TMUB1: variants seen among roughly 807,000 people sequenced by gnomAD.
TMUB1 encodes transmembrane and ubiquitin like domain containing 1.
A neutral mutation model predicts 16.2 loss-of-function variants in TMUB1; 9 were observed. That is an observed-to-expected ratio of 0.55 (90% CI 0.33 to 0.97). The LOEUF is 0.97. TMUB1 is among the 50% of genes least tolerant of loss of function. The pLI is 0.03. For synonymous variants in TMUB1, 155 were observed against 152.2 expected, an observed-to-expected ratio of 1.02 and a Z score of -0.13; for missense variants, 309 against 313.5, an observed-to-expected ratio of 0.99 and a Z score of 0.11.
chr7:151,081,831 G>A lies in TMUB1; in HGVS notation c.459C>T (p.Thr153=), dbSNP rs1399510045. The A allele has an allele frequency of 1.9e-6, 3 of 1,539,710 alleles. No homozygotes were observed. The highest frequency in any genetic ancestry group is 1.7e-4 in the Middle Eastern group (1 of 5,776). ...GGAGGTGAAGGCTGCCCAGGGTCTG[G>A]GTGTCGTCGCCTAGCAGCTGCCCTT... ...IYQGQLLGDD[T]QTLGSLHLPP... The change falls in exon 3 of 3, where the codon ACC becomes ACT. Residue 153 remains threonine (T), a synonymous_variant. Transcript: ENST00000297533. The surrounding 1 kb of genome is among the most constrained non-coding windows in gnomAD (Gnocchi z 7.6).
Position 151,081,621 on chromosome 7 carries a change from C to G in TMUB1, c.669G>C (p.Leu223=). 2 of 1,604,574 alleles carry G rather than the reference C, an allele frequency of 1.2e-6. No homozygotes were observed. The highest frequency in any genetic ancestry group is 1.7e-6 in the Non-Finnish European group (2 of 1,176,010). Residue 223 remains leucine (L), a synonymous_variant, in exon 3 of 3, where the codon CTG becomes CTC. Coordinates refer to ENST00000297533, the MANE Select transcript of TMUB1 (RefSeq NM_001136044.2). This position sits in a 1 kb window ranked among gnomAD's most constrained non-coding sequence, Gnocchi z 7.6. The stretch of plus-strand genomic sequence containing the variant: ...AGCCGGCCAGGCCCAGAGTGGCGGT[C>G]AGGGGAAAGAAGGGCCGGTACTGGA... ...CQIQYRPFFP[L]TATLGLAGFT... is the part of the protein sequence containing the mutation.
At position 151,081,751 on chromosome 7, in the gene TMUB1, G is replaced by A. The variant is rs772431428; in HGVS notation, c.539C>T (p.Pro180Leu). ...HVSTRVGPPNPPCPPGSEPGP... is the reference protein window; with the variant it reads ...HVSTRVGPPNLPCPPGSEPGP... Reference sequence around the variant, plus strand: ...GGGCTCGGACCCCGGCGGGCAGGGGGGATTTGGGGGACCGACTCTCGTGGA... The same window carrying A: ...GGGCTCGGACCCCGGCGGGCAGGGGAGATTTGGGGGACCGACTCTCGTGGA... The change falls in exon 3 of 3, where the codon CCC becomes CTC. Residue 180 changes from proline (P) to leucine (L), a missense_variant. Transcript: ENST00000297533. The surrounding 1 kb of genome is among the most constrained non-coding windows in gnomAD (Gnocchi z 7.6). 3 of 1,592,934 alleles carry A rather than the reference G, an allele frequency of 1.9e-6. No homozygotes were observed. The highest frequency in any genetic ancestry group is 4.5e-5 in the East Asian group (2 of 44,192).
In TMUB1 at chr7:151,082,002, C is replaced by A. The variant is rs970604548; in HGVS notation, c.390-102G>T. On this transcript the variant is annotated intron_variant, in intron 2 of 2. Transcript: ENST00000297533. This position sits in a 1 kb window ranked among gnomAD's most constrained non-coding sequence, Gnocchi z 7.0. ...CCTCCCCCTGCCCTCCACAACACACCGGCCCTGGCCTGGGAGGGGCCGTCT... is the reference window on the plus strand; with the variant it reads ...CCTCCCCCTGCCCTCCACAACACACAGGCCCTGGCCTGGGAGGGGCCGTCT... The A allele has an allele frequency of 8.6e-6, 12 of 1,395,200 alleles. No homozygotes were observed. The highest frequency in any genetic ancestry group is 2.9e-5 in the African/African-American group (2 of 69,226). The allele number at this position is 1,395,200 out of a possible 1,614,324, so 86.4% of individuals were successfully genotyped here.
chr7:151,082,864 A>C lies in TMUB1; in HGVS notation c.-30-271T>G. ...TCCCAACTCACCCAAACCCTATCCC[A>C]AGGTAAGGGCCTAAGCAACGCCTCT... is the stretch of plus-strand genomic sequence containing the variant. On this transcript the variant is annotated intron_variant, in intron 1 of 2. Transcript: ENST00000297533. This position sits in a 1 kb window ranked among gnomAD's most constrained non-coding sequence, Gnocchi z 7.0. 3.0e-6 allele frequency: 1 copy of C among 327,966 alleles called. No homozygotes were observed. Among genetic ancestry groups the C allele is most frequent in the Non-Finnish European group, 5.5e-6 (1 of 180,430 alleles). 20.3% of individuals were successfully genotyped at this position (327,966 alleles called of 1,614,324 possible). A position where few individuals can be genotyped will look rare whatever the true frequency, so the allele number is the denominator to read the frequency against.
Position 151,083,318 on chromosome 7 carries a change from C to T in TMUB1, c.-31+116G>A, listed in dbSNP as rs1798044582. 6.6e-6 allele frequency: 1 copy of T among 151,756 alleles called. No individual in the cohort carries two copies. Among genetic ancestry groups the T allele is most frequent in the Non-Finnish European group, 1.5e-5 (1 of 67,870 alleles). 9.4% of individuals were successfully genotyped at this position (151,756 alleles called of 1,614,324 possible). On this transcript the variant is annotated intron_variant, in intron 1 of 2. Coordinates refer to ENST00000297533, the MANE Select transcript of TMUB1 (RefSeq NM_001136044.2). The surrounding 1 kb of genome is among the most constrained non-coding windows in gnomAD (Gnocchi z 5.9). ...CGAGACTTCACGTTCCCCACCCCCA[C>T]CTCTCATCACCCCTCCCACCTTCCC...
chr7:151,081,849 C>A lies in TMUB1; in HGVS notation c.441G>T (p.Gln147His). The stretch of plus-strand genomic sequence containing the variant: ...GGGTCTGGGTGTCGTCGCCTAGCAG[C>A]TGCCCTTGGTAGATGAGTCGCACCT... ...EQQVRLIYQGQLLGDDTQTLG... is the reference protein window; with the variant it reads ...EQQVRLIYQGHLLGDDTQTLG... The change falls in exon 3 of 3, where the codon CAG becomes CAT. Residue 147 changes from glutamine (Q) to histidine (H), a missense_variant. By Grantham distance (24) the Gln-to-His change is conservative. Transcript: ENST00000297533. This position sits in a 1 kb window ranked among gnomAD's most constrained non-coding sequence, Gnocchi z 7.6. 1 of 1,524,220 alleles carries A rather than the reference C, an allele frequency of 6.6e-7. No individual in the cohort carries two copies. Among genetic ancestry groups the A allele is most frequent in the South Asian group, 1.3e-5 (1 of 77,332 alleles). 94.4% of individuals were successfully genotyped at this position (1,524,220 alleles called of 1,614,324 possible).
chr7:151,082,382 C>G lies in TMUB1; in HGVS notation c.182G>C (p.Ser61Thr). 3.1e-6 allele frequency: 5 copies of G among 1,598,026 alleles called. No homozygotes were observed. Among genetic ancestry groups the G allele is most frequent in the Non-Finnish European group, 4.3e-6 (5 of 1,172,564 alleles). The change falls in exon 2 of 3, where the codon AGC becomes ACC. Residue 61 changes from serine (S) to threonine (T), a missense_variant. Ser to Thr is a moderately conservative substitution (Grantham distance 58). Transcript: ENST00000297533. This position sits in a 1 kb window ranked among gnomAD's most constrained non-coding sequence, Gnocchi z 7.0. ...TGCCCCTGGGGCCTCCCCTCTCATG[C>G]TGTCGGTAGCTGCCATGGCTGCGCT... ...QPSAAMAATD[S>T]MRGEAPGAET...
In TMUB1 at chr7:151,082,659, G is replaced by A. The variant is rs1287711273; in HGVS notation, c.-30-66C>T. On this transcript the variant is annotated intron_variant, in intron 1 of 2. Coordinates refer to ENST00000297533, the MANE Select transcript of TMUB1 (RefSeq NM_001136044.2). The surrounding 1 kb of genome is among the most constrained non-coding windows in gnomAD (Gnocchi z 7.0). ...GCCAGGAGCCCTGGAACCTCCACAG[G>A]GTCCTGCCCTCACCCCACCGCGACG... 1.0e-5 allele frequency: 13 copies of A among 1,305,110 alleles called. No individual in the cohort carries two copies. The highest frequency in any genetic ancestry group is 1.0e-6 in the Non-Finnish European group (1 of 1,001,214). The allele number at this position is 1,305,110 out of a possible 1,614,324, so 80.8% of individuals were successfully genotyped here.
rs779869192 is a variant in TMUB1, at chr7:151,082,609, G to A, written c.-30-16C>T. Reference sequence around the variant, plus strand: ...CGCTACCGAGCTGGAGAGGCACAAAGAGCCCGTGAGGCCCGGGCCCCCTGG... The same window carrying A: ...CGCTACCGAGCTGGAGAGGCACAAAAAGCCCGTGAGGCCCGGGCCCCCTGG... On this transcript the variant is annotated splice_polypyrimidine_tract_variant and intron_variant, in intron 1 of 2. Transcript: ENST00000297533. The surrounding 1 kb of genome is among the most constrained non-coding windows in gnomAD (Gnocchi z 7.0). 3 of 1,460,602 alleles carry A rather than the reference G, an allele frequency of 2.1e-6. No individual in the cohort carries two copies. The highest frequency in any genetic ancestry group is 2.6e-5 in the East Asian group (1 of 38,688). The allele number at this position is 1,460,602 out of a possible 1,614,324, so 90.5% of individuals were successfully genotyped here. A position where few individuals can be genotyped will look rare whatever the true frequency, so the allele number is the denominator to read the frequency against.
In TMUB1 at chr7:151,083,377, C is replaced by G. The variant is rs1226223398; in HGVS notation, c.-31+57G>C. The G allele has an allele frequency of 6.6e-6, 1 of 152,158 alleles. No individual in the cohort carries two copies. The highest frequency in any genetic ancestry group is 2.4e-5 in the African/African-American group (1 of 41,422). 9.4% of individuals were successfully genotyped at this position (152,158 alleles called of 1,614,324 possible). A position where few individuals can be genotyped will look rare whatever the true frequency, so the allele number is the denominator to read the frequency against. On this transcript the variant is annotated intron_variant, in intron 1 of 2. Transcript: ENST00000297533. This position sits in a 1 kb window ranked among gnomAD's most constrained non-coding sequence, Gnocchi z 5.9. Reference sequence around the variant, plus strand: ...AAGCCGCAGGAGGGCACGGCGATCCCGGCCCGACCGGGGCCCTGGGCGGCG... The same window carrying G: ...AAGCCGCAGGAGGGCACGGCGATCCGGGCCCGACCGGGGCCCTGGGCGGCG...
At position 151,081,739 on chromosome 7, in the gene TMUB1, G is replaced by C. The variant is rs1225097988; in HGVS notation, c.551C>G (p.Pro184Arg). The C allele has an allele frequency of 6.3e-7, 1 of 1,588,808 alleles. No homozygotes were observed. Among genetic ancestry groups the C allele is most frequent in the Admixed American group, 1.8e-5 (1 of 54,752 alleles). The change falls in exon 3 of 3, where the codon CCG (proline) becomes CGG (arginine). Residue 184 changes from proline (P) to arginine (R), a missense_variant. Coordinates refer to ENST00000297533, the MANE Select transcript of TMUB1 (RefSeq NM_001136044.2). The surrounding 1 kb of genome is among the most constrained non-coding windows in gnomAD (Gnocchi z 7.6). ...RVGPPNPPCP[P>R]GSEPGPSGLE... ...CCCGGAGGGGCCGGGCTCGGACCCC[G>C]GCGGGCAGGGGGGATTTGGGGGACC...
At position 151,082,362 on chromosome 7, in the gene TMUB1, C is replaced by G. The variant is rs1199717264; in HGVS notation, c.202G>C (p.Gly68Arg). Residue 68 changes from glycine to arginine, a missense_variant, in exon 2 of 3, where the codon GGG (glycine) becomes CGG (arginine). Gly to Arg is a moderately radical substitution (Grantham distance 125). Transcript: ENST00000297533. The surrounding 1 kb of genome is among the most constrained non-coding windows in gnomAD (Gnocchi z 7.0). ...ATDSMRGEAPGAETPSLRHRG... is the reference protein window; with the variant it reads ...ATDSMRGEAPRAETPSLRHRG... ...TGTCTCAGGCTGGGGGTCTCTGCCCCTGGGGCCTCCCCTCTCATGCTGTCG... is the reference window on the plus strand; with the variant it reads ...TGTCTCAGGCTGGGGGTCTCTGCCCGTGGGGCCTCCCCTCTCATGCTGTCG... 2 of 1,596,754 alleles carry G rather than the reference C, an allele frequency of 1.3e-6. No individual in the cohort carries two copies. Among genetic ancestry groups the G allele is most frequent in the Non-Finnish European group, 1.7e-6 (2 of 1,171,164 alleles).
At position 151,081,894 on chromosome 7, in the gene TMUB1, C is replaced by T; in HGVS notation, c.396G>A (p.Gln132=). 3 of 1,482,464 alleles carry T rather than the reference C, an allele frequency of 2.0e-6. No homozygotes were observed. The highest frequency in any genetic ancestry group is 2.7e-6 in the Non-Finnish European group (3 of 1,117,106). The allele number at this position is 1,482,464 out of a possible 1,614,324, so 91.8% of individuals were successfully genotyped here. ...GCACCTGCTGTTCCCGGCCGGGAAA[C>T]TGGGTCCTGAGGAGAGAGGGACCTG... The part of the protein sequence containing the change: ...HDTIGSLKRT[Q]FPGREQQVRL... Residue 132 remains glutamine (Q), a synonymous_variant, in exon 3 of 3, where the codon CAG becomes CAA. Coordinates refer to ENST00000297533, the MANE Select transcript of TMUB1 (RefSeq NM_001136044.2). The surrounding 1 kb of genome is among the most constrained non-coding windows in gnomAD (Gnocchi z 7.6).
chr7:151,081,238 A>T lies in TMUB1; in HGVS notation c.*311T>A. On this transcript the variant is annotated 3_prime_UTR_variant, in exon 3 of 3. Coordinates refer to ENST00000297533, the MANE Select transcript of TMUB1 (RefSeq NM_001136044.2). The surrounding 1 kb of genome is among the most constrained non-coding windows in gnomAD (Gnocchi z 7.6). Reference sequence around the variant, plus strand: ...AGGCGGCTGGGTCCTCCGGCAGAACACTAAGACGGGCCCCCGGGGCGGCCC... The same window carrying T: ...AGGCGGCTGGGTCCTCCGGCAGAACTCTAAGACGGGCCCCCGGGGCGGCCC... 4.7e-6 allele frequency: 1 copy of T among 214,442 alleles called. No homozygotes were observed. Among genetic ancestry groups the T allele is most frequent in the Non-Finnish European group, 9.0e-6 (1 of 111,472 alleles). 13.3% of individuals were successfully genotyped at this position (214,442 alleles called of 1,614,324 possible). A position where few individuals can be genotyped will look rare whatever the true frequency, so the allele number is the denominator to read the frequency against.
At position 151,081,589 on chromosome 7, in the gene TMUB1, A is replaced by G. The variant is rs752547780; in HGVS notation, c.701T>C (p.Leu234Pro). The change falls in exon 3 of 3, where the codon CTG becomes CCG. Residue 234 changes from leucine to proline, a missense_variant. Coordinates refer to ENST00000297533, the MANE Select transcript of TMUB1 (RefSeq NM_001136044.2). This position sits in a 1 kb window ranked among gnomAD's most constrained non-coding sequence, Gnocchi z 7.6. ...GGCAAAGGCCAGGAGACTGAGGAGC[A>G]GGGTGAAGCCGGCCAGGCCCAGAGT... ...TATLGLAGFT[L>P]LLSLLAFAMY... 1 of 1,608,690 alleles carries G rather than the reference A, an allele frequency of 6.2e-7. No individual in the cohort carries two copies. Among genetic ancestry groups the G allele is most frequent in the Non-Finnish European group, 8.5e-7 (1 of 1,178,418 alleles).
In TMUB1 at chr7:151,081,835, T is replaced by G. The variant is rs1797999312; in HGVS notation, c.455A>C (p.Asp152Ala). The G allele has an allele frequency of 1.3e-6, 2 of 1,533,996 alleles. No individual in the cohort carries two copies. The highest frequency in any genetic ancestry group is 1.8e-6 in the Non-Finnish European group (2 of 1,139,304). Residue 152 changes from aspartate (D) to alanine (A), a missense_variant, in exon 3 of 3, where the codon GAC (aspartate) becomes GCC (alanine). Asp to Ala is a moderately radical substitution (Grantham distance 126). Transcript: ENST00000297533. This position sits in a 1 kb window ranked among gnomAD's most constrained non-coding sequence, Gnocchi z 7.6. ...GTGAAGGCTGCCCAGGGTCTGGGTGTCGTCGCCTAGCAGCTGCCCTTGGTA... is the reference window on the plus strand; with the variant it reads ...GTGAAGGCTGCCCAGGGTCTGGGTGGCGTCGCCTAGCAGCTGCCCTTGGTA... ...LIYQGQLLGDDTQTLGSLHLP... is the reference protein window; with the variant it reads ...LIYQGQLLGDATQTLGSLHLP...
chr7:151,081,498 G>T lies in TMUB1; in HGVS notation c.*51C>A, dbSNP rs953728470. 3 of 1,452,366 alleles carry T rather than the reference G, an allele frequency of 2.1e-6. No individual in the cohort carries two copies. Among genetic ancestry groups the T allele is most frequent in the Non-Finnish European group, 2.7e-6 (3 of 1,102,490 alleles). The allele number at this position is 1,452,366 out of a possible 1,614,324, so 90.0% of individuals were successfully genotyped here. A position where few individuals can be genotyped will look rare whatever the true frequency, so the allele number is the denominator to read the frequency against. On this transcript the variant is annotated 3_prime_UTR_variant, in exon 3 of 3. Coordinates refer to ENST00000297533, the MANE Select transcript of TMUB1 (RefSeq NM_001136044.2). This position sits in a 1 kb window ranked among gnomAD's most constrained non-coding sequence, Gnocchi z 7.6. ...AGGCAGCAGCTCCCGCCGCGGCGCG[G>T]GGAGCAAGGTCCGGAGGGGCCGGCG...
Position 151,082,058 on chromosome 7 carries a change from G to A in TMUB1, c.389+117C>T. The A allele has an allele frequency of 7.0e-7, 1 of 1,424,744 alleles. No homozygotes were observed. Among genetic ancestry groups the A allele is most frequent in the Non-Finnish European group, 9.3e-7 (1 of 1,073,548 alleles). The allele number at this position is 1,424,744 out of a possible 1,614,324, so 88.3% of individuals were successfully genotyped here. The stretch of plus-strand genomic sequence containing the variant: ...GGGAACAAGTACAGTTGTGATCTGG[G>A]GCGCTCAGCGCCTCCAGTATAAAGG... On this transcript the variant is annotated intron_variant, in intron 2 of 2. Transcript: ENST00000297533. This position sits in a 1 kb window ranked among gnomAD's most constrained non-coding sequence, Gnocchi z 7.0.
At position 151,082,706 on chromosome 7, in the gene TMUB1, G is replaced by A; in HGVS notation, c.-30-113C>T. 9.2e-6 allele frequency: 8 copies of A among 867,240 alleles called. No homozygotes were observed. Among genetic ancestry groups the A allele is most frequent in the Non-Finnish European group, 1.2e-5 (8 of 641,416 alleles). 53.7% of individuals were successfully genotyped at this position (867,240 alleles called of 1,614,324 possible). On this transcript the variant is annotated intron_variant, in intron 1 of 2. Transcript: ENST00000297533. The surrounding 1 kb of genome is among the most constrained non-coding windows in gnomAD (Gnocchi z 7.0). ...GACGCTCCCACCGTCCTCAGCCTCC[G>A]TCCCCTCACCCACCCCAGGGTACCG...
Sources: gnomAD v4.1 joint callset for allele counts on GRCh38, gnomAD v4.1.1 for gene constraint, Gnocchi (gnomAD v3.1) non-coding constraint, MANE v1.5 for transcripts, NCBI Gene and HGNC (gene_info 2026-07-23, HGNC 2026-07-21) for gene names.